The following RUFY4 variants were observed in gnomAD, a reference collection of about 807,000 sequenced individuals.
RUFY4 encodes RUN and FYVE domain containing 4, also known as RUN and FYVE domain-containing protein 4.
RUFY4 carries 73 observed loss-of-function variants against 69.0 expected under a neutral mutation model. That is an observed-to-expected ratio of 1.06 (90% CI 0.88 to 1.29). The LOEUF (loss-of-function observed/expected upper bound fraction) is 1.29, where lower values mean the gene tolerates loss of function less well. Ranked by LOEUF, RUFY4 falls within the 50% of genes most tolerant of loss-of-function variation. The probability of loss-of-function intolerance (pLI) is 0.00; values close to 1 mark genes in which losing one functional copy is unlikely to be tolerated. For missense variants in RUFY4, 770 were observed against 705.6 expected (o/e 1.09, Z -1.03); for synonymous variants, 287 against 271.8 (o/e 1.06, Z -0.55).
At chr2:218,057,286 T>G (rs1178268719) in intron 2 of RUFY4, among the ~76,000 whole-genome samples, 1 of 152,244 alleles carries the variant, frequency 6.6e-6, no homozygotes, top group Non-Finnish European at 1.5e-5. Context: ...GAATTGTAAT[T>G]CTGTCTTGCC....
At chr2:218,070,541 A>G in exon 1 of RUFY4, 1 of 1,383,512 alleles carries the variant, frequency 7.2e-7, no homozygotes, top group Non-Finnish European at 9.9e-7. Context: ...CTGGGCAGTG[A>G]GGCCGAAAGT....
At chr2:218,082,353 C>T (rs1689780136) in intron 8 of RUFY4, among the ~76,000 whole-genome samples, 1 of 150,334 alleles carries the variant, frequency 6.7e-6, no homozygotes, top group Non-Finnish European at 1.5e-5. Flanking sequence ...GGGCACCGAC[C>T]ATCCAGCCTG....
upstream of RUFY4, chr2:218,070,262 C>T (rs4674243): frequency 0.3 from 103,587 of 340,902 alleles, 16,890 homozygotes; most frequent in South Asian, 0.39. Flanking sequence ...AAAAGACTTA[C>T]CCTCTCCAAT....
At chr2:218,037,299 A>T (rs1406638369) in intron 2 of RUFY4, among the ~76,000 whole-genome samples, 4 of 148,720 alleles carry the variant, frequency 2.7e-5, no homozygotes, top group African/African-American at 1.0e-4. Flanking sequence ...CAGCCTGGGC[A>T]ATAGTGCAAA....
chr2:218,086,035 T>C (rs1396689907), intron 9 of RUFY4, among the ~76,000 whole-genome samples: 1 of 152,168 alleles, frequency 6.6e-6, no homozygotes, highest in East Asian at 1.9e-4. Context: ...CAGGATGCTA[T>C]AAAAAGCAGC....
intron 2 of RUFY4, among the ~76,000 whole-genome samples, chr2:218,047,859 A>C (rs916195011): frequency 2.6e-5 from 4 of 152,184 alleles, no homozygotes; most frequent in African/African-American, 9.7e-5. Context: ...TAGATACTTA[A>C]TTTATATGTA....
chr2:218,080,636 G>C (rs1156996850), intron 8 of RUFY4, among the ~76,000 whole-genome samples: 1 of 152,184 alleles, frequency 6.6e-6, no homozygotes, highest in Non-Finnish European at 1.5e-5. Context: ...AAAGAAATTA[G>C]GACAAGCATC....
chr2:218,080,807 CT>C (rs1559436868), intron 8 of RUFY4, among the ~76,000 whole-genome samples: 2 of 152,106 alleles, frequency 1.3e-5, no homozygotes, highest in Non-Finnish European at 1.5e-5. Flanking sequence ...CCAGGAATCA[CT>C]GGTGATCAGG....
chr2:218,083,047 C>A (rs1689803116), intron 8 of RUFY4, 63 bp from the exon 11 acceptor site: 1 of 1,466,590 alleles, frequency 6.8e-7, no homozygotes, highest in Non-Finnish European at 9.0e-7. Flanking sequence ...AGAGGCTCAG[C>A]CTAGCTCAGG....
chr2:218,083,617 G>A (rs1689820553), intron 9 of RUFY4, among the ~76,000 whole-genome samples: 1 of 152,008 alleles, frequency 6.6e-6, no homozygotes, highest in Non-Finnish European at 1.5e-5. Context: ...ACATGGTGAC[G>A]TGTGCCTGTA....
intron 8 of RUFY4, among the ~76,000 whole-genome samples, chr2:218,078,600 G>C (rs1689689994): frequency 6.6e-6 from 1 of 152,230 alleles, no homozygotes; most frequent in South Asian, 2.1e-4. Flanking sequence ...GAGTAGGAGA[G>C]AGACTTGACT....
chr2:218,035,269 A>G (rs1460278947), intron 1 of RUFY4: 1 of 152,108 alleles, frequency 6.6e-6, no homozygotes, highest in Non-Finnish European at 1.5e-5. Context: ...CCTGGCAGAG[A>G]CGAGGGAGAG....
chr2:218,086,688 A>C (rs1001501745), intron 9 of RUFY4, among the ~76,000 whole-genome samples: 2 of 152,224 alleles, frequency 1.3e-5, no homozygotes, highest in Non-Finnish European at 2.9e-5. Flanking sequence ...GTGCTCCAGA[A>C]AAACAAGGAA....
At chr2:218,075,051 T>C (rs1245374018) in intron 6 of RUFY4, 42 bp from the exon 9 acceptor site, 2 of 1,471,828 alleles carry the variant, frequency 1.4e-6, no homozygotes, top group East Asian at 5.0e-5. Context: ...GGTCAGTGAA[T>C]TGGTGCTGAG....
At chr2:218,035,771 C>T (rs1958966684) in intron 2 of RUFY4, among the ~76,000 whole-genome samples, 1 of 152,330 alleles carries the variant, frequency 6.6e-6, no homozygotes, top group Non-Finnish European at 1.5e-5. Context: ...AACCAGGCAC[C>T]CTGCTCCCCC....
At chr2:218,075,564 G>C (rs771147850) in exon 7 of RUFY4, 1 of 1,529,604 alleles carries the variant, frequency 6.5e-7, no homozygotes, top group Non-Finnish European at 8.8e-7. Context: ...AGAGGGAGCA[G>C]TATCAGGGAG....
exon 11 of RUFY4, chr2:218,090,300 G>A (rs984483602): frequency 6.7e-5 from 23 of 344,414 alleles, no homozygotes; most frequent in Non-Finnish European, 1.1e-4. Context: ...CTTCTCTAAT[G>A]TTAAGAGTTG....
chr2:218,071,370 C>G (rs952469158), intron 2 of RUFY4, among the ~76,000 whole-genome samples: 1 of 152,190 alleles, frequency 6.6e-6, no homozygotes, highest in Non-Finnish European at 1.5e-5. Flanking sequence ...CTTCAGCTCC[C>G]CTGGCCTCTT....
upstream of RUFY4, among the ~76,000 whole-genome samples, chr2:218,067,388 C>T (rs574642186): frequency 5.3e-5 from 8 of 152,322 alleles, no homozygotes; most frequent in East Asian, 1.9e-4. Flanking sequence ...CCCAGATGTC[C>T]GGGTAGCCAC....
Sources: gnomAD v4.1 joint callset for allele counts (sites outside exome capture counted in the v4.1 genomes callset) on GRCh38, gnomAD v4.1.1 for gene constraint, MANE v1.5 for transcripts, NCBI Gene and HGNC (gene_info 2026-07-23, HGNC 2026-07-21) for gene names.